The following CFAP92 variants were observed in gnomAD, a reference collection of about 807,000 sequenced individuals.
CFAP92 encodes the protein uncharacterized protein CFAP92.
Under a neutral mutation model 106.3 loss-of-function variants are expected in CFAP92, and 86 were observed. The observed-to-expected ratio is 0.81, with a 90% CI of 0.68 to 0.97. The LOEUF is 0.97. CFAP92 is among the 50% of genes least tolerant of loss of function. The pLI is 0.00. For missense variants in CFAP92, 1,204 were observed against 1,283.8 expected (o/e 0.94, Z 0.95); for synonymous variants, 477 against 506.4 (o/e 0.94, Z 0.78).
upstream of CFAP92, among the ~76,000 whole-genome samples, chr3:128,995,850 T>G (rs143981905): frequency 3.5e-4 from 53 of 152,310 alleles, no homozygotes; most frequent in African/African-American, 1.3e-3. Flanking sequence ...CAGATTGTAT[T>G]TTCCAAAGAC....
At chr3:128,980,805 G>T (rs1176775782) in intron 4 of CFAP92, among the ~76,000 whole-genome samples, 1 of 152,154 alleles carries the variant, frequency 6.6e-6, no homozygotes, top group Non-Finnish European at 1.5e-5. Flanking sequence ...TGAGACTGCA[G>T]CAATTCAGTC....
At chr3:128,953,046 C>T (rs374964464) in intron 9 of CFAP92, among the ~76,000 whole-genome samples, 2 of 152,042 alleles carry the variant, frequency 1.3e-5, no homozygotes, top group African/African-American at 4.8e-5. Context: ...GGCACCATTG[C>T]ACTGGGCGAC....
At chr3:128,912,365 TG>T (rs1386756253) in intron 15 of CFAP92, 6 of 713,728 alleles carry the variant, frequency 8.4e-6, no homozygotes, top group Admixed American at 6.1e-5. Context: ...AATCACTTGC[TG>T]GGGGTCTGGA....
chr3:128,921,147 C>T (rs554647224), intron 12 of CFAP92, among the ~76,000 whole-genome samples: 24 of 152,236 alleles, frequency 1.6e-4, no homozygotes, highest in African/African-American at 4.1e-4. Context: ...TTGACTCTGC[C>T]GGACTTCATA....
intron 1 of CFAP92, chr3:129,001,543 TTCGAGAAAC>T (rs1402303651): frequency 7.5e-7 from 1 of 1,341,254 alleles, no homozygotes; most frequent in Non-Finnish European, 9.5e-7. Context: ...AGCCCCTCCT[TTCGAGAAAC>T]TCTGGGGCCG....
chr3:128,976,036 G>T, intron 6 of CFAP92, 133 bp from the exon 7 acceptor site: 1 of 804,616 alleles, frequency 1.2e-6, no homozygotes, highest in South Asian at 2.3e-5. Context: ...CTAACCCAGT[G>T]CTTCTCAGTT....
At chr3:129,001,557 G>A in intron 1 of CFAP92, 1 of 1,347,974 alleles carries the variant, frequency 7.4e-7, no homozygotes, top group Non-Finnish European at 9.5e-7. Flanking sequence ...AGAAACTCTG[G>A]GGCCGCCCCT....
intron 6 of CFAP92, 71 bp downstream of exon 6, chr3:128,976,908 C>T (rs1943192600): frequency 4.0e-6 from 5 of 1,235,898 alleles, no homozygotes; most frequent in South Asian, 1.2e-5. Flanking sequence ...AAAAAACCTA[C>T]CACGACTCAT....
intron 8 of CFAP92, chr3:128,967,988 A>G (rs1196192626): frequency 3.3e-5 from 5 of 152,328 alleles, no homozygotes; most frequent in Non-Finnish European, 7.3e-5. Context: ...AAGTGTCCCC[A>G]GCAGACACAA....
At chr3:128,912,977 C>T (rs1193667784) in intron 15 of CFAP92, 1 of 472,754 alleles carries the variant, frequency 2.1e-6, no homozygotes, top group African/African-American at 2.0e-5. Context: ...GCCATTTCTG[C>T]TCAACCACAC....
chr3:128,914,950 A>C, intron 15 of CFAP92, 169 bp downstream of exon 15: 1 of 657,298 alleles, frequency 1.5e-6, no homozygotes, highest in Non-Finnish European at 2.5e-6. Context: ...GTTCCAGCCC[A>C]GCATTCAATC....
chr3:128,917,017 A>C (rs550803676), intron 12 of CFAP92, among the ~76,000 whole-genome samples: 5 of 152,346 alleles, frequency 3.3e-5, no homozygotes, highest in African/African-American at 1.2e-4. Context: ...GGAATCTTTG[A>C]GGAATTAATG....
At chr3:128,943,928 T>G (rs1209811318) in intron 10 of CFAP92, among the ~76,000 whole-genome samples, 2 of 148,428 alleles carry the variant, frequency 1.3e-5, no homozygotes, top group African/African-American at 5.0e-5. Context: ...CCGTTTTTTT[T>G]TTTTTTTTTT....
At chr3:128,912,542 G>GTGTCCCAGCAGA (rs775100060) in intron 15 of CFAP92, 8 of 1,614,030 alleles carry the variant, frequency 5.0e-6, no homozygotes, top group Non-Finnish European at 6.8e-6. Context: ...GATTAAGAAA[G>GTGTCCCAGCAGA]TGTCCCAGCA....
chr3:128,925,144 A>G (rs1937565277), intron 12 of CFAP92, among the ~76,000 whole-genome samples: 1 of 152,178 alleles, frequency 6.6e-6, no homozygotes, highest in African/African-American at 2.4e-5. Flanking sequence ...GGCACCAGGG[A>G]CTGGTTTCGT....
intron 4 of CFAP92, among the ~76,000 whole-genome samples, chr3:128,979,967 T>G (rs1943420247): frequency 8.5e-6 from 1 of 117,084 alleles, no homozygotes; most frequent in Admixed American, 8.6e-5. Flanking sequence ...TATATATATA[T>G]ATATAAAAGA....
the CFAP92 span, among the ~76,000 whole-genome samples, chr3:129,020,764 T>G: frequency 6.6e-6 from 1 of 152,166 alleles, no homozygotes; most frequent in Non-Finnish European, 1.5e-5. Context: ...CTCAAAAGGC[T>G]CTGTGAGCCC....
chr3:128,981,093 G>C (rs537007139), intron 4 of CFAP92, among the ~76,000 whole-genome samples: 5 of 148,050 alleles, frequency 3.4e-5, no homozygotes, highest in African/African-American at 1.3e-4. Context: ...CTGGAGTGCA[G>C]TGGTGCGATC....
At chr3:128,971,727 C>A (rs1362008833) in intron 7 of CFAP92, among the ~76,000 whole-genome samples, 1 of 152,204 alleles carries the variant, frequency 6.6e-6, no homozygotes, top group Admixed American at 6.5e-5. Context: ...GATGCCATAA[C>A]ACACTCAAGG....
Sources: gnomAD v4.1 joint callset for allele counts (sites outside exome capture counted in the v4.1 genomes callset) on GRCh38, gnomAD v4.1.1 for gene constraint, MANE v1.5 for transcripts, NCBI Gene and HGNC (gene_info 2026-07-23, HGNC 2026-07-21) for gene names.